CDHR2: variants seen among roughly 807,000 people sequenced by gnomAD.
The protein encoded by CDHR2 is cadherin-related family member 2.
Under a neutral mutation model 138.6 loss-of-function variants are expected in CDHR2, and 104 were observed. The observed-to-expected ratio is 0.75, with a 90% CI of 0.64 to 0.88. CDHR2 has a LOEUF of 0.88. Among genes scored for constraint, CDHR2 ranks in the 40% least tolerant of loss-of-function variants. The pLI, the probability that CDHR2 is intolerant of heterozygous loss-of-function variation, is 0.00. For missense variants in CDHR2, 1,624 were observed against 1,727.6 expected (o/e 0.94, Z 1.06); for synonymous variants, 755 against 742.8 (o/e 1.02, Z -0.27).
chr5:176,552,049 G>T (rs1206056300), intron 1 of CDHR2, among the ~76,000 whole-genome samples: 1 of 152,210 alleles, frequency 6.6e-6, no homozygotes, highest in Non-Finnish European at 1.5e-5. Flanking sequence ...AGAGAAAAGA[G>T]CCCAGGGGTA....
intron 19 of CDHR2, among the ~76,000 whole-genome samples, chr5:176,585,539 A>G (rs1758638089): frequency 6.6e-6 from 1 of 152,210 alleles, no homozygotes; most frequent in Non-Finnish European, 1.5e-5. Context: ...GTATTTAAAC[A>G]ACCAGCTTAT....
In CDHR2 at chr5:176,543,036, G is replaced by A. The variant is rs898262292; in HGVS notation, c.-16+267G>A. Among the ~76,000 whole-genome samples the A allele has an allele frequency of 2.6e-5, 4 of 152,020 alleles. No homozygotes were observed. Among genetic ancestry groups the A allele is most frequent in the African/African-American group, 9.7e-5 (4 of 41,404 alleles). On this transcript the variant is annotated intron_variant, in intron 1 of 31. Coordinates refer to the CDHR2 transcript ENST00000510636. This position sits in a 1 kb window ranked among gnomAD's most constrained non-coding sequence, Gnocchi z 4.0. ...CACGCGGGGGCTCGGAGTTCCCCGGGGCTCCCCGAGTTGGGGCGTTTGGAC... is the reference window on the plus strand; with the variant it reads ...CACGCGGGGGCTCGGAGTTCCCCGGAGCTCCCCGAGTTGGGGCGTTTGGAC...
In CDHR2 at chr5:176,583,318, G is replaced by T. The variant is rs535098950; in HGVS notation, c.2059-872G>T. Among the ~76,000 whole-genome samples the T allele has an allele frequency of 4.3e-4, 65 of 152,180 alleles. 1 individual carries two copies. The highest frequency in any genetic ancestry group is 8.8e-4 in the Non-Finnish European group (60 of 68,038). ...GCTCTTATCCACTCCTGTGAGTTAG[G>T]GTGACCTTGAGAATGCAGCTGGTCT... On this transcript the variant is annotated intron_variant, in intron 17 of 31. Coordinates refer to ENST00000261944, the MANE Select transcript of CDHR2 (RefSeq NM_017675.6).
chr5:176,577,549 G>A lies in CDHR2; in HGVS notation c.1345G>A (p.Val449Met), dbSNP rs753325624. The A allele has an allele frequency of 6.2e-7, 1 of 1,613,690 alleles. No individual in the cohort carries two copies. The highest frequency in any genetic ancestry group is 8.5e-7 in the Non-Finnish European group (1 of 1,179,830). ...CTACGAGAGGCAGACGGCGATGGCGGTGCAGGTGAGGGCTGCTCCGGGGTG... is the reference window on the plus strand; with the variant it reads ...CTACGAGAGGCAGACGGCGATGGCGATGCAGGTGAGGGCTGCTCCGGGGTG... Reference protein sequence around the residue: ...VDYERQTAMAVQVVATDSVSQ... With the variant: ...VDYERQTAMAMQVVATDSVSQ... The change falls in exon 13 of 32, where the codon GTG becomes ATG. Residue 449 changes from valine (V) to methionine (M), a missense_variant. By Grantham distance (21) the Val-to-Met change is conservative. Around this residue, in one of 3 missense-constraint regions of CDHR2, gnomAD observed 1,061 missense variants for 1,136.6 expected, o/e 0.93. Transcript: ENST00000261944.
intron 14 of CDHR2, 74 bp downstream of exon 14, chr5:176,577,872 GTGTGTGTA>G: frequency 1.3e-6 from 2 of 1,535,556 alleles, no homozygotes; most frequent in East Asian, 4.7e-5. Flanking sequence ...GAGAGTGTGT[GTGTGTGTA>G]TGTGTGAGAT....
chr5:176,560,351 G>C (rs1430745014), intron 1 of CDHR2, among the ~76,000 whole-genome samples: 3 of 151,488 alleles, frequency 2.0e-5, no homozygotes, highest in Non-Finnish European at 2.9e-5. Context: ...AGCCAAGATC[G>C]CACTACTGCA....
intron 21 of CDHR2, among the ~76,000 whole-genome samples, chr5:176,587,943 G>A (rs905604158): frequency 5.3e-5 from 8 of 152,166 alleles, no homozygotes; most frequent in Non-Finnish European, 8.8e-5. Flanking sequence ...GTTTAGCCAC[G>A]GCAATTTTCT....
At position 176,576,098 on chromosome 5, in the gene CDHR2, A is replaced by G. The variant is rs766758060; in HGVS notation, c.1107A>G (p.Gln369=). Residue 369 remains glutamine, a synonymous_variant, in exon 12 of 32, where the codon CAA becomes CAG. Transcript: ENST00000261944. The surrounding 1 kb of genome is among the most constrained non-coding windows in gnomAD (Gnocchi z 4.5). ...PACTFTPEEA[Q]VNFTGYVDEH... is the part of the protein sequence containing the mutation. ...GCACCTTCACCCCCGAAGAGGCCCA[A>G]GTGAACTTCACTGGCTACGTGGACG... is the stretch of plus-strand genomic sequence containing the variant. 2.4e-5 allele frequency: 39 copies of G among 1,614,102 alleles called. No individual in the cohort carries two copies. Among genetic ancestry groups the G allele is most frequent in the Non-Finnish European group, 3.2e-5 (38 of 1,180,038 alleles).
Position 176,595,661 on chromosome 5 carries a change from A to G in CDHR2, c.3922A>G (p.Thr1308Ala), listed in dbSNP as rs764845336. ...PSYTNAGLDT[T>A]DL ...CTACACCAACGCTGGCCTGGACACC[A>G]CGGACCTGTGACAGGGGCCCCCACT... Residue 1308 changes from threonine to alanine, a missense_variant, in exon 32 of 32, where the codon ACG (threonine) becomes GCG (alanine). Physicochemically the swap from Thr to Ala is moderately conservative, Grantham distance 58 (BLOSUM62 0). Around this residue, in one of 3 missense-constraint regions of CDHR2, gnomAD observed 556 missense variants for 565.7 expected, o/e 0.98. Transcript: ENST00000261944. The G allele has an allele frequency of 1.3e-6, 2 of 1,594,678 alleles. No individual in the cohort carries two copies. The highest frequency in any genetic ancestry group is 4.6e-5 in the East Asian group (2 of 43,928).
In CDHR2 at chr5:176,575,541, C is replaced by T. The variant is rs41275281; in HGVS notation, c.804C>T (p.Gly268=). Reference sequence around the variant, plus strand: ...TGCTGACGGTGGAGGCTGTGGATGGCGACAAAGGCATCAATGACCCTGTGA... The same window carrying T: ...TGCTGACGGTGGAGGCTGTGGATGGTGACAAAGGCATCAATGACCCTGTGA... ...TSVLTVEAVD[G]DKGINDPVIY... The change falls in exon 10 of 32, where the codon GGC becomes GGT. Residue 268 remains glycine, a synonymous_variant. Coordinates refer to ENST00000261944, the MANE Select transcript of CDHR2 (RefSeq NM_017675.6). 107,991 of 1,614,014 alleles carry T rather than the reference C, an allele frequency of 0.067. 4,740 individuals are homozygous for T. The highest frequency in any genetic ancestry group is 0.16 in the South Asian group (14,702 of 91,076).
chr5:176,569,315 G>A (rs1248393011), intron 5 of CDHR2, among the ~76,000 whole-genome samples: 3 of 140,564 alleles, frequency 2.1e-5, no homozygotes, highest in South Asian at 2.2e-4. Context: ...ACGGAGTCTC[G>A]CTCTGTCGCC....
chr5:176,556,010 T>C (rs1757814145), intron 1 of CDHR2, among the ~76,000 whole-genome samples: 1 of 152,236 alleles, frequency 6.6e-6, no homozygotes, highest in East Asian at 1.9e-4. Flanking sequence ...GCTCTGGCCC[T>C]GCCAGATTTC....
At position 176,586,014 on chromosome 5, in the gene CDHR2, A is replaced by G. The variant is rs2113319712; in HGVS notation, c.2795A>G (p.Asn932Ser). ...NDNAPYFLPE[N>S]KTFVIIPELV... The stretch of plus-strand genomic sequence containing the variant: ...AATGCACCCTATTTTCTGCCTGAGA[A>G]TAAGACTTTTGGTAAGCAGCAACCC... Residue 932 changes from asparagine to serine, a missense_variant, in exon 20 of 32, where the codon AAT becomes AGT. Coordinates refer to ENST00000261944, the MANE Select transcript of CDHR2 (RefSeq NM_017675.6). The G allele has an allele frequency of 1.2e-6, 2 of 1,613,916 alleles. No individual in the cohort carries two copies. Among genetic ancestry groups the G allele is most frequent in the East Asian group, 2.2e-5 (1 of 44,872 alleles).
chr5:176,545,532 C>T (rs1162747901), upstream of CDHR2, among the ~76,000 whole-genome samples: 1 of 152,224 alleles, frequency 6.6e-6, no homozygotes, highest in Non-Finnish European at 1.5e-5. Flanking sequence ...ACTGTCGCCT[C>T]GTGCACATCA....
intron 1 of CDHR2, among the ~76,000 whole-genome samples, chr5:176,560,829 T>C (rs1295183770): frequency 1.3e-5 from 2 of 152,210 alleles, no homozygotes; most frequent in Non-Finnish European, 2.9e-5. Flanking sequence ...TCAGCCTTCC[T>C]GATGTTCCAT....
chr5:176,545,699 G>C (rs763838766), upstream of CDHR2, among the ~76,000 whole-genome samples: 1 of 152,216 alleles, frequency 6.6e-6, no homozygotes, highest in South Asian at 2.1e-4. Context: ...CAGGTAAGTG[G>C]TGGTGGGGAT....
chr5:176,567,036 C>T, intron 3 of CDHR2: 1 of 456,246 alleles, frequency 2.2e-6, no homozygotes, highest in Non-Finnish European at 4.4e-6. Context: ...TGCAAGCAAT[C>T]CCCTGATCAA....
chr5:176,573,595 C>T (rs913790163), intron 6 of CDHR2, among the ~76,000 whole-genome samples: 4 of 151,556 alleles, frequency 2.6e-5, no homozygotes, highest in Non-Finnish European at 4.4e-5. Context: ...TACAGTGAGC[C>T]GAGATCGTGC....
chr5:176,575,823 T>A lies in CDHR2; in HGVS notation c.944T>A (p.Val315Glu). Residue 315 changes from valine to glutamate, a missense_variant, in exon 11 of 32, where the codon GTG (valine) becomes GAG (glutamate). Transcript: ENST00000261944. Reference protein sequence around the residue: ...REQLLEADEEVQLQVTATETH... With the variant: ...REQLLEADEEEQLQVTATETH... Reference sequence around the variant, plus strand: ...CAGCTGCTGGAGGCGGATGAGGAGGTGCAGCTGCAGGTCACGGTGAGCAAA... The same window carrying A: ...CAGCTGCTGGAGGCGGATGAGGAGGAGCAGCTGCAGGTCACGGTGAGCAAA... 6.5e-7 allele frequency: 1 copy of A among 1,549,972 alleles called. No homozygotes were observed. Among genetic ancestry groups the A allele is most frequent in the Non-Finnish European group, 8.7e-7 (1 of 1,146,420 alleles).
Sources: gnomAD v4.1 joint callset for allele counts (sites outside exome capture counted in the v4.1 genomes callset) on GRCh38, gnomAD v4.1.1 for gene constraint, gnomAD v4.1.1 regional missense constraint, Gnocchi (gnomAD v3.1) non-coding constraint, MANE v1.5 for transcripts, NCBI Gene and HGNC (gene_info 2026-07-23, HGNC 2026-07-21) for gene names.